Variants in UBTF observed in about 807,000 individuals in gnomAD.
UBTF encodes the protein upstream binding transcription factor.
A neutral mutation model predicts 112.3 loss-of-function variants in UBTF; 8 were observed. That is an observed-to-expected ratio of 0.07 (90% CI 0.04 to 0.13). The LOEUF (loss-of-function observed/expected upper bound fraction) is 0.13. Among genes scored for constraint, UBTF ranks in the 10% least tolerant of loss-of-function variants. The pLI, the probability that UBTF is intolerant of heterozygous loss-of-function variation, is 1.00. For missense variants in UBTF, 457 were observed against 982.1 expected, an observed-to-expected ratio of 0.47 and a Z score of 7.15; for synonymous variants, 417 against 373.1, an observed-to-expected ratio of 1.12 and a Z score of -1.36.
rs746231435 is a variant in UBTF, at chr17:44,215,650, C to A, written c.474+4G>T. On this transcript the variant is annotated splice_donor_region_variant and intron_variant, in intron 5 of 20. Coordinates refer to ENST00000436088, the MANE Select transcript of UBTF (RefSeq NM_014233.4). Reference sequence around the variant, plus strand: ...TCCTCCCACCTTAACTCTCCTCCCCCCACCTTCTTCTTCTCCGGAAGCTCC... The same window carrying A: ...TCCTCCCACCTTAACTCTCCTCCCCACACCTTCTTCTTCTCCGGAAGCTCC... The A allele has an allele frequency of 2.5e-6, 4 of 1,613,688 alleles. No individual in the cohort carries two copies. Among genetic ancestry groups the A allele is most frequent in the South Asian group, 2.2e-5 (2 of 91,072 alleles).
chr17:44,216,243 T>C, intron 3 of UBTF: 1 of 603,358 alleles, frequency 1.7e-6, no homozygotes, highest in Non-Finnish European at 2.9e-6. Flanking sequence ...AACCTGGTTG[T>C]CCATGCTAAC....
At chr17:44,210,061 T>C (rs2056551673) in intron 15 of UBTF, 63 bp downstream of exon 15, 1 of 1,551,492 alleles carries the variant, frequency 6.4e-7, no homozygotes, top group Non-Finnish European at 8.9e-7. Context: ...TGCTCAGAGC[T>C]GCCCAACCAA....
At chr17:44,215,083 G>A (rs1567804177) in intron 5 of UBTF, among the ~76,000 whole-genome samples, 1 of 144,190 alleles carries the variant, frequency 6.9e-6, no homozygotes, top group Non-Finnish European at 1.5e-5. Flanking sequence ...GACAATGTGT[G>A]TCCTTGAGTG....
At position 44,215,996 on chromosome 17, in the gene UBTF, G is replaced by A. The variant is rs1423576340; in HGVS notation, c.235-7C>T. On this transcript the variant is annotated splice_polypyrimidine_tract_variant and splice_region_variant and intron_variant, in intron 3 of 20. Coordinates refer to ENST00000436088, the MANE Select transcript of UBTF (RefSeq NM_014233.4). The stretch of plus-strand genomic sequence containing the variant: ...ATGTACGGAACTTCCTCACCTGGAG[G>A]AAGAGGGGTGGGAGGAAGGGGAAGT... 6.8e-6 allele frequency: 11 copies of A among 1,612,078 alleles called. No individual in the cohort carries two copies. The highest frequency in any genetic ancestry group is 9.3e-6 in the Non-Finnish European group (11 of 1,178,302).
chr17:44,214,045 T>C (rs986189740), intron 5 of UBTF, among the ~76,000 whole-genome samples: 5 of 152,106 alleles, frequency 3.3e-5, no homozygotes, highest in Non-Finnish European at 5.9e-5. Flanking sequence ...AGTCTCCTTC[T>C]TGTTCCTCCT....
intron 2 of UBTF, among the ~76,000 whole-genome samples, 191 bp from the exon 3 acceptor site, chr17:44,216,895 C>T (rs979432415): frequency 4.6e-5 from 7 of 152,232 alleles, no homozygotes; most frequent in South Asian, 2.1e-4. Flanking sequence ...GCAGGGACTC[C>T]AGTCCAGACC....
intron 5 of UBTF, 108 bp downstream of exon 5, chr17:44,215,546 C>T: frequency 7.0e-7 from 1 of 1,420,432 alleles, no homozygotes; most frequent in Non-Finnish European, 9.7e-7. Context: ...GCTGACTCAC[C>T]CTCATCCCTG....
chr17:44,215,856 T>C (rs755577293), intron 4 of UBTF, 47 bp from the exon 5 acceptor site: 9 of 1,613,942 alleles, frequency 5.6e-6, no homozygotes, highest in Non-Finnish European at 7.6e-6. Flanking sequence ...ACATCCCTTC[T>C]TTGGACCTTT....
At chr17:44,218,792 G>T (rs1255942787) in intron 1 of UBTF, among the ~76,000 whole-genome samples, 10 of 150,156 alleles carry the variant, frequency 6.7e-5, no homozygotes, top group Admixed American at 6.6e-4. Flanking sequence ...GGACCCGGAC[G>T]CAGCGCAGCC....
At chr17:44,212,749 C>A (rs950353294) in intron 7 of UBTF, 70 bp downstream of exon 7, 22 of 1,591,494 alleles carry the variant, frequency 1.4e-5, no homozygotes, top group Non-Finnish European at 1.9e-5. Context: ...CGTGCCCGGC[C>A]GACCTGGCGC....
intron 5 of UBTF, among the ~76,000 whole-genome samples, chr17:44,214,899 G>A (rs376571638): frequency 9.9e-5 from 15 of 151,970 alleles, no homozygotes; most frequent in Admixed American, 7.2e-4. Context: ...CATCTTCCTC[G>A]TGTCCCATCT....
intron 1 of UBTF, chr17:44,218,596 A>AAAAAAAAAAAAAAAC (rs2046974684): frequency 6.0e-6 from 1 of 167,220 alleles, no homozygotes; most frequent in Non-Finnish European, 1.2e-5. Context: ...ACCCCAGCCA[A>AAAAAAAAAAAAAAAC]AAAAAAAAAA....
chr17:44,216,174 C>T, intron 3 of UBTF, 185 bp from the exon 4 acceptor site: 3 of 629,786 alleles, frequency 4.8e-6, no homozygotes, highest in East Asian at 5.5e-5. Flanking sequence ...ATGCCTACCG[C>T]AGAGGCCCAG....
At position 44,216,172 on chromosome 17, in the gene UBTF, C is replaced by T. The variant is rs117681910; in HGVS notation, c.235-183G>A. The T allele has an allele frequency of 8.2e-4, 519 of 630,622 alleles. 9 individuals are homozygous for T. In the East Asian group the frequency reaches 0.013, roughly 16 times the overall value. The allele number at this position is 630,622 out of a possible 1,614,324, so 39.1% of individuals were successfully genotyped here. A position where few individuals can be genotyped will look rare whatever the true frequency, so the allele number is the denominator to read the frequency against. On this transcript the variant is annotated intron_variant, in intron 3 of 20. Transcript: ENST00000436088. Reference sequence around the variant, plus strand: ...CACCCAGGCACTGGCCCATGCCTACCGCAGAGGCCCAGGCAGTCAGTACAC... The same window carrying T: ...CACCCAGGCACTGGCCCATGCCTACTGCAGAGGCCCAGGCAGTCAGTACAC...
chr17:44,216,025 G>T, intron 3 of UBTF, 36 bp from the exon 4 acceptor site: 1 of 1,556,682 alleles, frequency 6.4e-7, no homozygotes, highest in Non-Finnish European at 8.9e-7. Flanking sequence ...GGGAAGTTGG[G>T]AAAAGGAAAA....
At chr17:44,220,336 C>T (rs2047123652), upstream of UBTF, among the ~76,000 whole-genome samples, 1 of 151,962 alleles carries the variant, frequency 6.6e-6, no homozygotes, top group Admixed American at 6.5e-5. Flanking sequence ...CCAGCTCAGA[C>T]TAGGGCTTCC....
At chr17:44,220,194 G>A (rs536287774), upstream of UBTF, among the ~76,000 whole-genome samples, 19 of 152,004 alleles carry the variant, frequency 1.2e-4, no homozygotes, top group Middle Eastern at 3.4e-3. Flanking sequence ...ACCCGCGGGG[G>A]AACTAGCAGG....
At chr17:44,214,323 C>A in intron 5 of UBTF, among the ~76,000 whole-genome samples, 1 of 152,222 alleles carries the variant, frequency 6.6e-6, no homozygotes, top group Non-Finnish European at 1.5e-5. Flanking sequence ...CAGTTTTAGA[C>A]CTGAAGGGGA....
rs774508195 is a variant in UBTF at position 44,210,477 on chromosome 17, C to G, written c.1360-4G>C. 3.8e-6 allele frequency: 6 copies of G among 1,597,874 alleles called. No individual in the cohort carries two copies. In the South Asian group the frequency reaches 4.4e-5, roughly 12 times the overall value. ...CCTCTCGGGCCTTGTACTTGGCCTG[C>G]GGGGATGGCCCGGGCGTCAGCCTTC... On this transcript the variant is annotated splice_region_variant and splice_polypyrimidine_tract_variant and intron_variant, in intron 13 of 20. Coordinates refer to ENST00000436088, the MANE Select transcript of UBTF (RefSeq NM_014233.4).
Sources: gnomAD v4.1 joint callset for allele counts (sites outside exome capture counted in the v4.1 genomes callset) on GRCh38, gnomAD v4.1.1 for gene constraint, MANE v1.5 for transcripts, NCBI Gene and HGNC (gene_info 2026-07-23, HGNC 2026-07-21) for gene names.